The following TMEM132D variants were observed in gnomAD, a reference collection of about 807,000 sequenced individuals.
TMEM132D encodes mature OL transmembrane protein.
A neutral mutation model predicts 62.3 loss-of-function variants in TMEM132D; 21 were observed. The ratio of observed to expected loss-of-function variants is 0.34; its 90% confidence interval spans 0.24 to 0.49. The LOEUF is 0.49. TMEM132D is among the 20% of genes least tolerant of loss of function. The probability of loss-of-function intolerance (pLI) is 0.99; values close to 1 mark genes in which losing one functional copy is unlikely to be tolerated. For missense variants in TMEM132D, 1,346 were observed against 1,402.8 expected, an observed-to-expected ratio of 0.96 and a Z score of 0.65; for synonymous variants, 621 against 575.6, an observed-to-expected ratio of 1.08 and a Z score of -1.13.
intron 2 of TMEM132D, among the ~76,000 whole-genome samples, chr12:129,536,141 A>C (rs56151921): frequency 0.13 from 19,431 of 152,214 alleles, 1,583 homozygotes; most frequent in Admixed American, 0.26. Context: ...CCAGAGATTC[A>C]TGTGGCCACA....
In TMEM132D at chr12:129,072,540, T is replaced by C. The variant is rs1032630689; in HGVS notation, c.*1335A>G. The stretch of plus-strand genomic sequence containing the variant: ...CGGGGCTGACTGCAGGACCAAGTGC[T>C]TGCAAACCTGCATCTTCACCACATG... On this transcript the variant is annotated 3_prime_UTR_variant, in exon 9 of 9. Transcript: ENST00000422113. The C allele has an allele frequency of 5.9e-5, 9 of 152,452 alleles. No homozygotes were observed. The highest frequency in any genetic ancestry group is 2.2e-4 in the African/African-American group (9 of 41,578). The allele number at this position is 152,452 out of a possible 1,614,324, so 9.4% of individuals were successfully genotyped here.
At position 129,074,106 on chromosome 12, in the gene TMEM132D, G is replaced by A. The variant is rs754390553; in HGVS notation, c.3069C>T (p.Ile1023=). The change falls in exon 9 of 9, where the codon ATC becomes ATT. Residue 1023 remains isoleucine (I), a synonymous_variant. Transcript: ENST00000422113. ...TTTTCTGATCTTTCCCATCAATGAT[G>A]ATGGGTCCCAAAGGTTTGAACAGCT... ...NGQLFKPLGP[I]IIDGKDQKSE... 2.9e-5 allele frequency: 47 copies of A among 1,614,012 alleles called. No individual in the cohort carries two copies. Among genetic ancestry groups the A allele is most frequent in the Non-Finnish European group, 3.7e-5 (44 of 1,180,038 alleles).
At chr12:129,097,213 C>A (rs1279420273) in intron 5 of TMEM132D, among the ~76,000 whole-genome samples, 1 of 152,214 alleles carries the variant, frequency 6.6e-6, no homozygotes, top group Admixed American at 6.5e-5. Context: ...AGTAGCATCC[C>A]TCTCTCCAGC....
intron 5 of TMEM132D, among the ~76,000 whole-genome samples, chr12:129,189,474 A>C (rs1878322237): frequency 6.6e-6 from 1 of 152,100 alleles, no homozygotes; most frequent in Non-Finnish European, 1.5e-5. Context: ...CATGGTGAGG[A>C]AAGAGGGCTA....
Position 129,459,092 on chromosome 12 carries a change from C to G in TMEM132D, c.1115+71967G>C, listed in dbSNP as rs569713821. On this transcript the variant is annotated intron_variant, in intron 3 of 8. Coordinates refer to ENST00000422113, the MANE Select transcript of TMEM132D (RefSeq NM_133448.3). The stretch of plus-strand genomic sequence containing the variant: ...GTAATGGCACCAGGAACACTTCTTC[C>G]CTCCTCCCTGAAGGTCTCTGTGACT... Among the ~76,000 whole-genome samples the G allele has an allele frequency of 2.0e-5, 3 of 152,242 alleles. No homozygotes were observed. The South Asian group carries it at 6.2e-4, about 32-fold the overall frequency.
At chr12:129,588,549 G>GT (rs1878095124) in intron 2 of TMEM132D, among the ~76,000 whole-genome samples, 1 of 151,912 alleles carries the variant, frequency 6.6e-6, no homozygotes, top group South Asian at 2.1e-4. Flanking sequence ...GAATTGTGGG[G>GT]TTTTTTCCTT....
At chr12:129,647,036 G>A (rs1879801180) in intron 2 of TMEM132D, among the ~76,000 whole-genome samples, 1 of 151,690 alleles carries the variant, frequency 6.6e-6, no homozygotes, top group Admixed American at 6.6e-5. Context: ...CTGACCTCAG[G>A]TGATCCACCT....
intron 3 of TMEM132D, among the ~76,000 whole-genome samples, chr12:129,529,117 T>C (rs928530832): frequency 2.0e-5 from 3 of 152,148 alleles, no homozygotes; most frequent in African/African-American, 7.2e-5. Context: ...TCCAGACCCA[T>C]AGTATGAGGA....
intron 2 of TMEM132D, among the ~76,000 whole-genome samples, chr12:129,565,662 G>A (rs990771387): frequency 3.9e-5 from 6 of 152,156 alleles, no homozygotes; most frequent in Non-Finnish European, 7.4e-5. Context: ...CTTTCAGAGC[G>A]AACTGTCTCT....
chr12:129,332,181 G>A (rs1869127170), intron 4 of TMEM132D, among the ~76,000 whole-genome samples: 1 of 152,080 alleles, frequency 6.6e-6, no homozygotes, highest in South Asian at 2.1e-4. Context: ...TTTTCCCTCA[G>A]AATTTGCCTC....
At chr12:129,296,561 G>A (rs1417197725) in intron 4 of TMEM132D, among the ~76,000 whole-genome samples, 1 of 152,188 alleles carries the variant, frequency 6.6e-6, no homozygotes, top group Admixed American at 6.5e-5. Flanking sequence ...TTCCTCAAGT[G>A]ACAGATAAAT....
At chr12:129,841,143 G>A (rs1160588306) in intron 1 of TMEM132D, among the ~76,000 whole-genome samples, 7 of 152,080 alleles carry the variant, frequency 4.6e-5, no homozygotes, top group Admixed American at 1.3e-4. Context: ...TGACATGTGC[G>A]CACCCCTGTG....
At chr12:129,880,884 T>A (rs1433875558) in intron 1 of TMEM132D, among the ~76,000 whole-genome samples, 1 of 152,058 alleles carries the variant, frequency 6.6e-6, no homozygotes, top group African/African-American at 2.4e-5. Context: ...CATATAAAAT[T>A]ATATGAAATG....
chr12:129,552,562 CTATCATCT>C (rs1405425081), intron 2 of TMEM132D, among the ~76,000 whole-genome samples: 1 of 131,216 alleles, frequency 7.6e-6, no homozygotes, highest in African/African-American at 2.8e-5. Flanking sequence ...ATCGATCGAT[CTATCATCT>C]ATCTGTTCAC....
rs142087888 is a variant in TMEM132D at position 129,349,754 on chromosome 12, G to A, written c.1116-11937C>T. Among the ~76,000 whole-genome samples, 32 of 152,252 alleles carry A rather than the reference G, an allele frequency of 2.1e-4. No individual in the cohort carries two copies. The East Asian group carries it at 6.2e-3, about 29-fold the overall frequency. On this transcript the variant is annotated intron_variant, in intron 3 of 8. Coordinates refer to ENST00000422113, the MANE Select transcript of TMEM132D (RefSeq NM_133448.3). ...GTATTCATTGACACATTTACCAGTT[G>A]GATCAAGGCTTTTCCTATCCGGTCT...
intron 3 of TMEM132D, among the ~76,000 whole-genome samples, chr12:129,506,933 G>C (rs1291209145): frequency 6.6e-6 from 1 of 151,296 alleles, no homozygotes; most frequent in Non-Finnish European, 1.5e-5. Flanking sequence ...CCCAGAGTGG[G>C]AGATAATCTT....
At position 129,808,474 on chromosome 12, in the gene TMEM132D, G is replaced by C. The variant is rs1872066950; in HGVS notation, c.79+94787C>G. 2.6e-5 allele frequency among the ~76,000 whole-genome samples: 4 copies of C among 152,256 alleles called. No homozygotes were observed. In the South Asian group the frequency reaches 8.3e-4, roughly 32 times the overall value. ...TAATATCAGAAAAACTTAAATTCAAGATCAAAATAAACGAAGACCAAGGAA... is the reference window on the plus strand; with the variant it reads ...TAATATCAGAAAAACTTAAATTCAACATCAAAATAAACGAAGACCAAGGAA... On this transcript the variant is annotated intron_variant, in intron 1 of 8. Coordinates refer to ENST00000422113, the MANE Select transcript of TMEM132D (RefSeq NM_133448.3).
intron 1 of TMEM132D, among the ~76,000 whole-genome samples, chr12:129,783,868 C>G (rs1438373216): frequency 6.6e-6 from 1 of 152,168 alleles, no homozygotes; most frequent in Non-Finnish European, 1.5e-5. Flanking sequence ...CAGAAAGGGT[C>G]ACAAATTCTA....
At chr12:129,155,209 C>G (rs978894463) in intron 5 of TMEM132D, among the ~76,000 whole-genome samples, 2 of 152,238 alleles carry the variant, frequency 1.3e-5, no homozygotes, top group Non-Finnish European at 2.9e-5. Flanking sequence ...ATTGCACTTT[C>G]TCTGCAAGCA....
Sources: allele counts gnomAD v4.1 joint callset (sites outside exome capture counted in the v4.1 genomes callset), GRCh38; gene constraint gnomAD v4.1.1; transcripts MANE v1.5; gene names NCBI Gene and HGNC (gene_info 2026-07-23, HGNC 2026-07-21).